The following B3GALT1 variants were observed in gnomAD, a reference collection of about 807,000 sequenced individuals.
The protein encoded by B3GALT1 is beta-1,3-galactosyltransferase 1, also known as UDP-Gal:betaGlcNAc beta 1,3-galactosyltransferase, polypeptide 1.
Under a neutral mutation model 23.2 loss-of-function variants are expected in B3GALT1, and 10 were observed. The observed-to-expected ratio is 0.43, with a 90% CI of 0.27 to 0.73. The LOEUF (loss-of-function observed/expected upper bound fraction) is 0.73, where lower values mean the gene tolerates loss of function less well. B3GALT1 is among the 30% of genes least tolerant of loss of function. The probability of loss-of-function intolerance (pLI) is 0.21; values close to 1 mark genes in which losing one functional copy is unlikely to be tolerated. For missense variants in B3GALT1, 299 were observed against 405.4 expected (o/e 0.74, Z 2.25); for synonymous variants, 156 against 141.5 (o/e 1.10, Z -0.73).
chr2:167,744,343 G>A (rs1329401303), intron 3 of B3GALT1, among the ~76,000 whole-genome samples: 1 of 152,032 alleles, frequency 6.6e-6, no homozygotes, highest in East Asian at 1.9e-4. Flanking sequence ...ATTTCTATTT[G>A]TAGTGCTAGC....
chr2:167,734,935 C>A (rs757844787), intron 3 of B3GALT1, among the ~76,000 whole-genome samples: 5 of 152,112 alleles, frequency 3.3e-5, no homozygotes, highest in Non-Finnish European at 7.4e-5. Context: ...TCTGCCCCCT[C>A]CTCATTTTAA....
intron 1 of B3GALT1, among the ~76,000 whole-genome samples, chr2:167,439,161 A>G (rs939528954): frequency 1.4e-4 from 22 of 152,146 alleles, no homozygotes; most frequent in Admixed American, 1.1e-3. Context: ...TTGCCTTCTC[A>G]TTCTTTGATA....
chr2:167,383,995 A>G (rs1357605), intron 1 of B3GALT1, among the ~76,000 whole-genome samples: 122,411 of 152,184 alleles, frequency 0.8, 51,132 homozygotes, highest in East Asian at 0.92. Flanking sequence ...AATGCAAACT[A>G]TTTGCACATA....
chr2:167,499,799 C>A (rs1488875252), intron 2 of B3GALT1, among the ~76,000 whole-genome samples: 1 of 152,060 alleles, frequency 6.6e-6, no homozygotes, highest in African/African-American at 2.4e-5. Flanking sequence ...AATTACAGTT[C>A]TTCCTTTCCC....
chr2:167,300,984 T>G (rs1235500575), intron 1 of B3GALT1, among the ~76,000 whole-genome samples: 4 of 152,224 alleles, frequency 2.6e-5, no homozygotes, highest in African/African-American at 9.6e-5. Context: ...TAGTTTATGT[T>G]CATCTCCTTT....
At chr2:167,318,715 A>C (rs1455383426) in intron 1 of B3GALT1, among the ~76,000 whole-genome samples, 1 of 152,108 alleles carries the variant, frequency 6.6e-6, no homozygotes, top group African/African-American at 2.4e-5. Context: ...AGAGGAAAGA[A>C]ATTTCTTCTT....
At chr2:167,508,479 C>T (rs1241689357) in intron 2 of B3GALT1, among the ~76,000 whole-genome samples, 1 of 151,976 alleles carries the variant, frequency 6.6e-6, no homozygotes, top group Non-Finnish European at 1.5e-5. Context: ...AGGATAGTCT[C>T]GATCTCCTAA....
At chr2:167,578,635 A>G (rs1374337541) in intron 2 of B3GALT1, among the ~76,000 whole-genome samples, 1 of 151,944 alleles carries the variant, frequency 6.6e-6, no homozygotes, top group Non-Finnish European at 1.5e-5. Context: ...AAAATGTTCT[A>G]ATAAGGGTTC....
intron 1 of B3GALT1, among the ~76,000 whole-genome samples, chr2:167,406,781 CG>C (rs1228406900): frequency 6.6e-6 from 1 of 152,156 alleles, no homozygotes; most frequent in East Asian, 1.9e-4. Context: ...ACCATGCTGT[CG>C]GATGGTACAT....
intron 2 of B3GALT1, among the ~76,000 whole-genome samples, chr2:167,545,694 C>T (rs1420249832): frequency 2.0e-5 from 3 of 152,110 alleles, no homozygotes; most frequent in African/African-American, 7.2e-5. Flanking sequence ...CACTTCAGAC[C>T]AGCTGGTCAC....
At chr2:167,805,609 G>C (rs537702502) in intron 3 of B3GALT1, among the ~76,000 whole-genome samples, 5 of 152,154 alleles carry the variant, frequency 3.3e-5, no homozygotes, top group South Asian at 2.1e-4. Flanking sequence ...TCTCATTTTT[G>C]TCAGGTTTGT....
chr2:167,808,796 C>T (rs1402553549), intron 3 of B3GALT1, among the ~76,000 whole-genome samples: 2 of 152,046 alleles, frequency 1.3e-5, no homozygotes, highest in African/African-American at 4.8e-5. Context: ...CTCTTTGTGG[C>T]ATTCTCTGTA....
intron 2 of B3GALT1, among the ~76,000 whole-genome samples, chr2:167,556,095 A>G (rs867202220): frequency 2.6e-5 from 4 of 152,150 alleles, no homozygotes; most frequent in African/African-American, 9.7e-5. Flanking sequence ...TCTTTTTTAC[A>G]ATTATAGCAC....
chr2:167,770,969 A>G (rs1688062681), intron 3 of B3GALT1, among the ~76,000 whole-genome samples: 1 of 152,230 alleles, frequency 6.6e-6, no homozygotes, highest in Admixed American at 6.5e-5. Flanking sequence ...CTTATTAAGA[A>G]TTAATAAATC....
intron 1 of B3GALT1, among the ~76,000 whole-genome samples, chr2:167,335,108 TC>T (rs1298451338): frequency 6.6e-6 from 1 of 152,132 alleles, no homozygotes; most frequent in African/African-American, 2.4e-5. Flanking sequence ...TAGGTCAAAC[TC>T]CATTTTCTTT....
chr2:167,807,545 T>C (rs1423003425), intron 3 of B3GALT1, among the ~76,000 whole-genome samples: 2 of 151,924 alleles, frequency 1.3e-5, no homozygotes, highest in Non-Finnish European at 2.9e-5. Flanking sequence ...AAAGAACATC[T>C]TTATTTCTGC....
intron 3 of B3GALT1, among the ~76,000 whole-genome samples, chr2:167,652,046 A>G (rs1317691481): frequency 3.9e-5 from 6 of 152,112 alleles, no homozygotes; most frequent in African/African-American, 1.4e-4. Context: ...CCAAACCCAC[A>G]AGAGCCACCC....
intron 3 of B3GALT1, among the ~76,000 whole-genome samples, chr2:167,711,439 G>T (rs1008692031): frequency 1.2e-4 from 19 of 152,334 alleles, no homozygotes; most frequent in African/African-American, 4.3e-4. Flanking sequence ...GGCACTGCAG[G>T]TAGAAAAAGG....
intron 3 of B3GALT1, among the ~76,000 whole-genome samples, chr2:167,810,087 C>T (rs559360087): frequency 4.2e-5 from 6 of 144,536 alleles, no homozygotes; most frequent in Non-Finnish European, 5.9e-5. Context: ...CTGAGCCACG[C>T]GTGGGATATA....
Sources: allele counts gnomAD v4.1 joint callset (sites outside exome capture counted in the v4.1 genomes callset), GRCh38; gene constraint gnomAD v4.1.1; transcripts MANE v1.5; gene names NCBI Gene and HGNC (gene_info 2026-07-23, HGNC 2026-07-21).